Variants in IL7 observed in about 807,000 individuals in gnomAD.
IL7 encodes the protein interleukin 7.
In IL7, 3 loss-of-function variants were observed where a neutral mutation model predicts 21.6. The observed-to-expected ratio is 0.14, with a 90% CI of 0.06 to 0.36. The LOEUF (loss-of-function observed/expected upper bound fraction) is 0.36, where lower values mean the gene tolerates loss of function less well. IL7 is among the 10% of genes least tolerant of loss of function. The pLI is 1.00. For missense variants in IL7, 175 were observed against 200.2 expected (o/e 0.87, Z 0.76); for synonymous variants, 62 against 68.1 (o/e 0.91, Z 0.44).
At chr8:78,724,478 G>C (rs1426113862) in intron 3 of IL7, among the ~76,000 whole-genome samples, 1 of 151,630 alleles carries the variant, frequency 6.6e-6, no homozygotes, top group African/African-American at 2.4e-5. Flanking sequence ...TTAAGAACTA[G>C]AAAGTTTTAA....
intron 2 of IL7, among the ~76,000 whole-genome samples, chr8:78,781,646 A>G (rs920126015): frequency 1.3e-5 from 2 of 151,908 alleles, no homozygotes; most frequent in East Asian, 1.9e-4. Context: ...GGCTGCCCTT[A>G]ATATTTTTTT....
intron 2 of IL7, among the ~76,000 whole-genome samples, chr8:78,776,365 C>T (rs897680173): frequency 2.0e-5 from 3 of 152,058 alleles, no homozygotes; most frequent in African/African-American, 4.8e-5. Flanking sequence ...CTACTCAGAA[C>T]GGCACACAAT....
At chr8:78,802,066 A>T (rs976466999) in intron 1 of IL7, among the ~76,000 whole-genome samples, 4 of 152,218 alleles carry the variant, frequency 2.6e-5, no homozygotes, top group African/African-American at 9.6e-5. Flanking sequence ...ACTTCCCCTG[A>T]AGAGGCTGAA....
At chr8:78,797,118 T>C (rs1483344184) in intron 2 of IL7, among the ~76,000 whole-genome samples, 3 of 151,948 alleles carry the variant, frequency 2.0e-5, no homozygotes, top group Admixed American at 6.6e-5. Flanking sequence ...GGGGATGCTT[T>C]GATTCACATT....
At chr8:78,750,471 G>A (rs1322332696) in intron 2 of IL7, among the ~76,000 whole-genome samples, 3 of 151,996 alleles carry the variant, frequency 2.0e-5, no homozygotes, top group South Asian at 4.2e-4. Context: ...GCAAGCATAA[G>A]GACTAGACTT....
chr8:78,678,660 TA>T, intron 4 of IL7: 2 of 1,608,884 alleles, frequency 1.2e-6, no homozygotes, highest in Middle Eastern at 1.7e-4. Flanking sequence ...ATTCCAACAG[TA>T]AAACCTCTCA....
intron 3 of IL7, among the ~76,000 whole-genome samples, chr8:78,689,608 C>T (rs111664814): frequency 8.6e-5 from 13 of 151,784 alleles, no homozygotes; most frequent in Admixed American, 3.3e-4. Context: ...TGTGGATATT[C>T]TATTGTCTTA....
At chr8:78,798,291 A>AGGGG in intron 1 of IL7, 83 bp from the exon 2 acceptor site, 2 of 871,150 alleles carry the variant, frequency 2.3e-6, no homozygotes, top group Non-Finnish European at 3.4e-6. Context: ...CTGGACCACT[A>AGGGG]ATTTCTAATA....
chr8:78,762,416 C>G (rs1264145922), intron 2 of IL7: 1 of 1,607,024 alleles, frequency 6.2e-7, no homozygotes, highest in African/African-American at 1.3e-5. Context: ...TTGGCGGCAG[C>G]GCAGAAGTTC....
At chr8:78,712,196 A>C (rs1041174555) in intron 3 of IL7, 2 of 619,016 alleles carry the variant, frequency 3.2e-6, no homozygotes, top group African/African-American at 4.0e-5. Context: ...TTACTGTCCT[A>C]TACTTAAAAA....
chr8:78,703,739 G>A (rs1240955910), intron 3 of IL7, among the ~76,000 whole-genome samples: 1 of 151,932 alleles, frequency 6.6e-6, no homozygotes, highest in African/African-American at 2.4e-5. Context: ...CAAAATACTT[G>A]CCACTCTGTG....
chr8:78,714,566 C>G (rs775637490), downstream of IL7, among the ~76,000 whole-genome samples: 1 of 152,094 alleles, frequency 6.6e-6, no homozygotes, highest in Non-Finnish European at 1.5e-5. Flanking sequence ...ATTCCCAAGC[C>G]TCTGCTTTTA....
intron 4 of IL7, among the ~76,000 whole-genome samples, chr8:78,682,515 A>G (rs1376648666): frequency 6.6e-6 from 1 of 152,128 alleles, no homozygotes; most frequent in Admixed American, 6.5e-5. Flanking sequence ...CGCAAGACTT[A>G]TTCACTATCA....
downstream of IL7, chr8:78,717,304 T>C: frequency 6.3e-7 from 1 of 1,596,764 alleles, no homozygotes; most frequent in Non-Finnish European, 8.5e-7. Context: ...ACTTTATCTT[T>C]TCATTGTTTC....
chr8:78,739,884 T>G (rs1316428726), intron 3 of IL7, 118 bp downstream of exon 3: 1 of 879,076 alleles, frequency 1.1e-6, no homozygotes, highest in Non-Finnish European at 1.6e-6. Context: ...TCAATGGGAA[T>G]TATGTGATCA....
At chr8:78,702,186 G>A (rs928343086) in intron 3 of IL7, among the ~76,000 whole-genome samples, 5 of 152,054 alleles carry the variant, frequency 3.3e-5, no homozygotes, top group African/African-American at 1.2e-4. Flanking sequence ...ATTTCTTCCT[G>A]GTTCAGTCTT....
chr8:78,763,980 G>A (rs1384103608), intron 2 of IL7, among the ~76,000 whole-genome samples: 3 of 151,942 alleles, frequency 2.0e-5, no homozygotes, highest in African/African-American at 7.3e-5. Flanking sequence ...ATTGGGGATA[G>A]CACTTATCAT....
At chr8:78,780,908 G>T (rs1813306982) in intron 2 of IL7, among the ~76,000 whole-genome samples, 2 of 152,104 alleles carry the variant, frequency 1.3e-5, no homozygotes, top group Admixed American at 6.5e-5. Flanking sequence ...TATGAATCTA[G>T]GTGCTCCTGT....
chr8:78,740,038 A>G lies in IL7; in HGVS notation c.192T>C (p.Phe64=), dbSNP rs774457261. Residue 64 remains phenylalanine (F), a synonymous_variant, in exon 3 of 6, where the codon TTT becomes TTC. Transcript: ENST00000263851. ...EIGSNCLNNE[F]NFFKRHICDA... ...CACAGATATGTCTTTTAAAAAAGTT[A>G]AATTCATTATTCAGGCAATTGCTAC... The G allele has an allele frequency of 1.3e-6, 2 of 1,541,038 alleles. No individual in the cohort carries two copies. The highest frequency in any genetic ancestry group is 1.3e-5 in the South Asian group (1 of 77,474).
Sources: allele counts gnomAD v4.1 joint callset (sites outside exome capture counted in the v4.1 genomes callset), GRCh38; gene constraint gnomAD v4.1.1; transcripts MANE v1.5; gene names NCBI Gene and HGNC (gene_info 2026-07-23, HGNC 2026-07-21).